Variants in NRG3 observed in about 807,000 individuals in gnomAD.
NRG3 encodes neuregulin 3, also known as pro-neuregulin-3, membrane-bound isoform.
Under a neutral mutation model 66.9 loss-of-function variants are expected in NRG3, and 31 were observed. That is an observed-to-expected ratio of 0.46 (90% CI 0.35 to 0.63). NRG3 has a LOEUF of 0.63. NRG3 is among the 20% of genes least tolerant of loss of function. NRG3 has a pLI of 0.00. For synonymous variants in NRG3, 393 were observed against 359.4 expected, an observed-to-expected ratio of 1.09 and a Z score of -1.06; for missense variants, 910 against 878.9, an observed-to-expected ratio of 1.04 and a Z score of -0.45.
At chr10:82,833,091 T>C (rs1453654606) in intron 3 of NRG3, among the ~76,000 whole-genome samples, 1 of 152,176 alleles carries the variant, frequency 6.6e-6, no homozygotes, top group Non-Finnish European at 1.5e-5. Context: ...GCCATTCTAT[T>C]AGAAAGGAGG....
At chr10:82,506,296 G>A (rs903967193) in intron 2 of NRG3, among the ~76,000 whole-genome samples, 3 of 152,168 alleles carry the variant, frequency 2.0e-5, no homozygotes, top group Non-Finnish European at 4.4e-5. Flanking sequence ...AATGTTGCAA[G>A]CTGTCCCAGT....
intron 2 of NRG3, among the ~76,000 whole-genome samples, chr10:82,647,774 ATG>A (rs1424316430): frequency 6.6e-6 from 1 of 151,856 alleles, no homozygotes; most frequent in African/African-American, 2.4e-5. Flanking sequence ...GCATTTTTTC[ATG>A]TGTTTTTTGG....
intron 1 of NRG3, among the ~76,000 whole-genome samples, chr10:81,997,203 G>T (rs1171803363): frequency 6.6e-6 from 1 of 152,134 alleles, no homozygotes; most frequent in Admixed American, 6.5e-5. Flanking sequence ...GACATTCAGG[G>T]TCTCCTGTGA....
intron 2 of NRG3, among the ~76,000 whole-genome samples, chr10:82,589,269 C>T (rs1345550036): frequency 6.6e-6 from 1 of 152,172 alleles, no homozygotes; most frequent in East Asian, 1.9e-4. Context: ...TAGACAGAAC[C>T]TCTTTCTTTG....
chr10:81,909,881 G>A (rs1173029523), intron 1 of NRG3, among the ~76,000 whole-genome samples: 1 of 152,100 alleles, frequency 6.6e-6, no homozygotes, highest in Non-Finnish European at 1.5e-5. Context: ...CCATGTTCAG[G>A]ATCATCTTCC....
At chr10:82,959,995 A>G (rs113916915) in intron 6 of NRG3, among the ~76,000 whole-genome samples, 291 of 152,348 alleles carry the variant, frequency 1.9e-3, no homozygotes, top group African/African-American at 6.8e-3. Flanking sequence ...AACAAAGGCC[A>G]TTGCATAAAC....
intron 2 of NRG3, among the ~76,000 whole-genome samples, chr10:82,410,142 G>GTTTTTGTT (rs2087946448): frequency 6.6e-6 from 1 of 151,944 alleles, no homozygotes; most frequent in African/African-American, 2.4e-5. Flanking sequence ...GAGAATTAAG[G>GTTTTTGTT]TTTTTGTTTG....
chr10:82,602,899 G>A (rs1395593004), intron 2 of NRG3, among the ~76,000 whole-genome samples: 1 of 152,170 alleles, frequency 6.6e-6, no homozygotes, highest in Non-Finnish European at 1.5e-5. Context: ...CAATGGTTCT[G>A]CAATGCTTGC....
chr10:82,859,326 G>A (rs2063987824), intron 3 of NRG3: 1 of 152,184 alleles, frequency 6.6e-6, no homozygotes, highest in Admixed American at 6.5e-5. Context: ...GGGTTTAAAT[G>A]ATCACACTTG....
At chr10:82,061,803 C>G (rs2064155093) in intron 1 of NRG3, among the ~76,000 whole-genome samples, 1 of 151,612 alleles carries the variant, frequency 6.6e-6, no homozygotes, top group South Asian at 2.1e-4. Context: ...GTCTGTCTCC[C>G]TCCTTTCCTT....
At chr10:82,732,730 A>T (rs1212480136) in intron 2 of NRG3, among the ~76,000 whole-genome samples, 1 of 152,186 alleles carries the variant, frequency 6.6e-6, no homozygotes, top group Non-Finnish European at 1.5e-5. Context: ...GCATTTTACA[A>T]ATAAAGAAAG....
At chr10:81,925,997 G>T (rs1733742534) in intron 1 of NRG3, among the ~76,000 whole-genome samples, 1 of 152,140 alleles carries the variant, frequency 6.6e-6, no homozygotes. Flanking sequence ...TTCAGCTATA[G>T]GAAAAATTGG....
intron 1 of NRG3, among the ~76,000 whole-genome samples, chr10:82,249,836 A>G (rs1330023745): frequency 6.6e-6 from 1 of 152,230 alleles, no homozygotes; most frequent in Admixed American, 6.5e-5. Context: ...GCTTAGGTTA[A>G]GATTCAAATC....
At chr10:82,619,295 T>C (rs2048878743) in intron 2 of NRG3, among the ~76,000 whole-genome samples, 1 of 152,132 alleles carries the variant, frequency 6.6e-6, no homozygotes, top group African/African-American at 2.4e-5. Flanking sequence ...GGGGAGCCTT[T>C]AATACCAGTG....
chr10:82,021,916 T>C (rs2062080452), intron 1 of NRG3, among the ~76,000 whole-genome samples: 2 of 151,924 alleles, frequency 1.3e-5, no homozygotes, highest in Admixed American at 6.6e-5. Context: ...ATTCAACATC[T>C]GTTGCTGTGT....
At chr10:82,286,776 T>C (rs2079441935) in intron 1 of NRG3, among the ~76,000 whole-genome samples, 1 of 152,022 alleles carries the variant, frequency 6.6e-6, no homozygotes, top group South Asian at 2.1e-4. Context: ...TTAGTAGAGA[T>C]GGGGTTTCAC....
chr10:82,007,467 A>T (rs2061418668), intron 1 of NRG3, among the ~76,000 whole-genome samples: 2 of 152,140 alleles, frequency 1.3e-5, no homozygotes, highest in Admixed American at 1.3e-4. Context: ...TCGGCCTCCC[A>T]AAGTGCTGGG....
chr10:82,116,232 A>G (rs1369053179), intron 1 of NRG3, among the ~76,000 whole-genome samples: 3 of 152,096 alleles, frequency 2.0e-5, no homozygotes, highest in African/African-American at 7.2e-5. Flanking sequence ...ATACTTTGAT[A>G]TATAGTATCC....
chr10:82,682,590 TG>T (rs1301765454), intron 2 of NRG3, among the ~76,000 whole-genome samples: 1 of 152,198 alleles, frequency 6.6e-6, no homozygotes, highest in East Asian at 1.9e-4. Context: ...GACTCCTTTA[TG>T]GGCAACAACT....
Sources: gnomAD v4.1 joint callset for allele counts (sites outside exome capture counted in the v4.1 genomes callset) on GRCh38, gnomAD v4.1.1 for gene constraint, MANE v1.5 for transcripts, NCBI Gene and HGNC (gene_info 2026-07-23, HGNC 2026-07-21) for gene names.